Variants in EIF3E observed in about 807,000 individuals in gnomAD.
The protein encoded by EIF3E is eIF-3 p48.
EIF3E carries 25 observed loss-of-function variants against 59.3 expected under a neutral mutation model. The ratio of observed to expected loss-of-function variants is 0.42; its 90% CI spans 0.31 to 0.59. The LOEUF (loss-of-function observed/expected upper bound fraction) is 0.59, where lower values mean the gene tolerates loss of function less well. Among genes scored for constraint, EIF3E ranks in the 20% least tolerant of loss-of-function variants. The probability of loss-of-function intolerance (pLI) is 0.15; values close to 1 mark genes in which losing one functional copy is unlikely to be tolerated. For synonymous variants in EIF3E, 176 were observed against 170.2 expected (o/e 1.03, Z -0.26); for missense variants, 317 against 534.3 (o/e 0.59, Z 4.01).
chr8:108,203,526 A>C (rs1257082867), intron 10 of EIF3E, 23 bp from the exon 11 acceptor site: 1 of 1,599,442 alleles, frequency 6.3e-7, no homozygotes, highest in Admixed American at 1.7e-5. Flanking sequence ...TAAAAACAGC[A>C]ATGTTAATTA....
chr8:108,203,165 T>C lies in EIF3E; in HGVS notation c.1165-48A>G, dbSNP rs200514892. On this transcript the variant is annotated intron_variant, in intron 11 of 12. Coordinates refer to ENST00000220849, the MANE Select transcript of EIF3E (RefSeq NM_001568.3). ...TGATCCTATAATGTTAATGACTGAG[T>C]TTCTCAGGTAAGTAAAAAGCATGAC... is the stretch of plus-strand genomic sequence containing the variant. 3.9e-5 allele frequency: 62 copies of C among 1,589,972 alleles called. No homozygotes were observed. In the East Asian group the frequency reaches 1.4e-3, roughly 36 times the overall value.
At chr8:108,218,242 C>G (rs1815339300) in intron 7 of EIF3E, among the ~76,000 whole-genome samples, 1 of 152,150 alleles carries the variant, frequency 6.6e-6, no homozygotes, top group Non-Finnish European at 1.5e-5. Context: ...ATCCATCCAG[C>G]TACATCTCCC....
At chr8:108,209,965 A>C (rs1224840590) in intron 10 of EIF3E, among the ~76,000 whole-genome samples, 2 of 152,124 alleles carry the variant, frequency 1.3e-5, no homozygotes, top group Non-Finnish European at 2.9e-5. Context: ...AATGGGAGAA[A>C]CTGAGTAAAG....
At chr8:108,222,828 G>GTTTTTTTTTTTTTTTTTTTTTTTTTTTT (rs11320166) in intron 7 of EIF3E, among the ~76,000 whole-genome samples, 1 of 134,292 alleles carries the variant, frequency 7.4e-6, no homozygotes, top group Non-Finnish European at 1.6e-5. Context: ...AATTTTCTTA[G>GTTTTTTTTTTTTTTTTTTTTTTTTTTTT]TTTTTTTTTT....
Position 108,214,601 on chromosome 8 carries a change from T to C in EIF3E, c.1061+6A>G, listed in dbSNP as rs1261485713. 6.3e-7 allele frequency: 1 copy of C among 1,577,670 alleles called. No homozygotes were observed. Among genetic ancestry groups the C allele is most frequent in the Admixed American group, 2.0e-5 (1 of 50,454 alleles). On this transcript the variant is annotated splice_donor_region_variant and intron_variant, in intron 10 of 12. Coordinates refer to ENST00000220849, the MANE Select transcript of EIF3E (RefSeq NM_001568.3). ...GAAAATCCAAATCAAATCACGGTGTTCTTACTTAATGCTGATACACTGGTG... is the reference window on the plus strand; with the variant it reads ...GAAAATCCAAATCAAATCACGGTGTCCTTACTTAATGCTGATACACTGGTG...
chr8:108,247,876 A>G (rs879741005), intron 1 of EIF3E, among the ~76,000 whole-genome samples: 3 of 152,234 alleles, frequency 2.0e-5, no homozygotes, highest in Non-Finnish European at 2.9e-5. Flanking sequence ...TTTAGGACTG[A>G]CATATGCTTT....
chr8:108,210,922 G>A (rs1391198353), intron 10 of EIF3E, among the ~76,000 whole-genome samples: 1 of 152,140 alleles, frequency 6.6e-6, no homozygotes, highest in African/African-American at 2.4e-5. Context: ...CAAAGGACAT[G>A]AACTCATCAT....
At chr8:108,205,728 G>A (rs971304937) in intron 10 of EIF3E, among the ~76,000 whole-genome samples, 2 of 152,156 alleles carry the variant, frequency 1.3e-5, no homozygotes, top group African/African-American at 4.8e-5. Context: ...TTACATAGTA[G>A]CTATTCCAGC....
At chr8:108,229,353 G>T in intron 5 of EIF3E, 158 bp from the exon 6 acceptor site, 1 of 639,502 alleles carries the variant, frequency 1.6e-6, no homozygotes, top group Non-Finnish European at 2.4e-6. Flanking sequence ...ACACTGGTTT[G>T]TTTCAAAAAA....
intron 9 of EIF3E, among the ~76,000 whole-genome samples, chr8:108,215,543 G>A (rs544624357): frequency 6.6e-5 from 10 of 152,170 alleles, no homozygotes; most frequent in South Asian, 4.2e-4. Flanking sequence ...GTGTGAACCC[G>A]GGAGGTGGAG....
intron 10 of EIF3E, among the ~76,000 whole-genome samples, chr8:108,213,918 T>C (rs893321749): frequency 2.6e-5 from 4 of 152,192 alleles, no homozygotes; most frequent in African/African-American, 9.6e-5. Flanking sequence ...AGAAAAAGAA[T>C]TTGTTTTATG....
chr8:108,206,005 G>T (rs1348882475), intron 10 of EIF3E, among the ~76,000 whole-genome samples: 1 of 152,120 alleles, frequency 6.6e-6, no homozygotes, highest in Non-Finnish European at 1.5e-5. Flanking sequence ...ATCCCCTTGG[G>T]TAAGGGGAGA....
At position 108,241,464 on chromosome 8, in the gene EIF3E, C is replaced by T. The variant is rs1815832518; in HGVS notation, c.205+335G>A. 2.0e-5 allele frequency among the ~76,000 whole-genome samples: 3 copies of T among 151,766 alleles called. No homozygotes were observed. The South Asian group carries it at 6.2e-4, about 32-fold the overall frequency. On this transcript the variant is annotated intron_variant, in intron 2 of 12. Coordinates refer to ENST00000220849, the MANE Select transcript of EIF3E (RefSeq NM_001568.3). ...AAAAAAAAAACACAAAACTCTAAGGCACACAATGCACTAACTGAAAAAGTT... is the reference window on the plus strand; with the variant it reads ...AAAAAAAAAACACAAAACTCTAAGGTACACAATGCACTAACTGAAAAAGTT...
intron 12 of EIF3E, 91 bp downstream of exon 12, chr8:108,202,892 C>A: frequency 7.3e-7 from 1 of 1,361,108 alleles, no homozygotes; most frequent in Non-Finnish European, 9.7e-7. Context: ...AAAACAAAAT[C>A]AGCTACAACT....
chr8:108,245,567 G>A (rs1013920669), intron 1 of EIF3E, among the ~76,000 whole-genome samples: 4 of 152,120 alleles, frequency 2.6e-5, no homozygotes, highest in African/African-American at 7.2e-5. Context: ...TGAGATTGGT[G>A]GTAGTATTAA....
chr8:108,214,760 A>G, intron 9 of EIF3E, 44 bp from the exon 10 acceptor site: 1 of 1,520,012 alleles, frequency 6.6e-7, no homozygotes, highest in African/African-American at 1.4e-5. Flanking sequence ...CTGACAAGCA[A>G]TTGCCTGAAA....
intron 1 of EIF3E, among the ~76,000 whole-genome samples, chr8:108,245,583 T>A (rs576002369): frequency 8.5e-5 from 13 of 152,354 alleles, no homozygotes; most frequent in South Asian, 2.1e-4. Context: ...ATTAACATTT[T>A]ATTCATGAGA....
intron 6 of EIF3E, among the ~76,000 whole-genome samples, chr8:108,228,633 A>G (rs1325662788): frequency 6.6e-6 from 1 of 152,206 alleles, no homozygotes; most frequent in Non-Finnish European, 1.5e-5. Context: ...GCTCTAATTT[A>G]TAAACTCTTA....
At chr8:108,244,889 C>A (rs1048234250) in intron 1 of EIF3E, among the ~76,000 whole-genome samples, 1 of 151,856 alleles carries the variant, frequency 6.6e-6, no homozygotes, top group African/African-American at 2.4e-5. Flanking sequence ...TATTCGATCA[C>A]ATCTGTGCTT....
Sources: gnomAD v4.1 joint callset for allele counts (sites outside exome capture counted in the v4.1 genomes callset) on GRCh38, gnomAD v4.1.1 for gene constraint, MANE v1.5 for transcripts, NCBI Gene and HGNC (gene_info 2026-07-23, HGNC 2026-07-21) for gene names.